Variants in CACNA1E observed in about 807,000 individuals in gnomAD.
The protein encoded by CACNA1E is calcium voltage-gated channel subunit alpha1 E.
In CACNA1E, 40 loss-of-function variants were observed where a neutral mutation model predicts 259.2. That is an observed-to-expected ratio of 0.15 (90% CI 0.12 to 0.20). CACNA1E has a LOEUF of 0.20. Among genes scored for constraint, CACNA1E ranks in the 10% least tolerant of loss-of-function variants. CACNA1E has a pLI of 1.00. For synonymous variants in CACNA1E, 1,104 were observed against 1,138.5 expected (o/e 0.97, Z 0.61); for missense variants, 1,874 against 3,040.1 (o/e 0.62, Z 9.02).
At chr1:181,524,554 C>A (rs1297158840) in intron 3 of CACNA1E, among the ~76,000 whole-genome samples, 1 of 152,206 alleles carries the variant, frequency 6.6e-6, no homozygotes, top group African/African-American at 2.4e-5. Context: ...CTTGAACAGG[C>A]CAGTGTGTCC....
At chr1:181,760,634 G>T (rs1410389003) in intron 32 of CACNA1E, among the ~76,000 whole-genome samples, 3 of 152,206 alleles carry the variant, frequency 2.0e-5, no homozygotes, top group African/African-American at 7.2e-5. Flanking sequence ...TTTACATATT[G>T]CTTTTCTCTC....
intron 2 of CACNA1E, among the ~76,000 whole-genome samples, chr1:181,426,911 A>G (rs1230139215): frequency 1.5e-5 from 2 of 133,672 alleles, no homozygotes; most frequent in African/African-American, 5.8e-5. Flanking sequence ...ACCCCTTCCC[A>G]TCTCAACCCT....
chr1:181,781,082 C>T (rs190698208), intron 38 of CACNA1E, among the ~76,000 whole-genome samples: 1 of 152,028 alleles, frequency 6.6e-6, no homozygotes, highest in Non-Finnish European at 1.5e-5. Context: ...GAATGCTAAT[C>T]GAGGAGAAAA....
intron 3 of CACNA1E, among the ~76,000 whole-genome samples, chr1:181,566,945 A>G (rs1330089956): frequency 6.6e-6 from 1 of 152,026 alleles, no homozygotes; most frequent in African/African-American, 2.4e-5. Context: ...TGCCACAGGT[A>G]TCTAGTGGTT....
At chr1:181,796,619 G>T in intron 46 of CACNA1E, 49 bp from the exon 47 acceptor site, 1 of 1,366,110 alleles carries the variant, frequency 7.3e-7, no homozygotes, top group Non-Finnish European at 1.0e-6. Context: ...CATCATCATT[G>T]GTCAGAGTGG....
At chr1:181,471,388 T>C (rs1213168165) in intron 2 of CACNA1E, among the ~76,000 whole-genome samples, 1 of 152,248 alleles carries the variant, frequency 6.6e-6, no homozygotes, top group African/African-American at 2.4e-5. Context: ...GTTTCTCTGA[T>C]CTTTATTCGC....
At chr1:181,468,134 C>T (rs1322098082) in intron 2 of CACNA1E, among the ~76,000 whole-genome samples, 1 of 152,160 alleles carries the variant, frequency 6.6e-6, no homozygotes, top group Non-Finnish European at 1.5e-5. Flanking sequence ...GCACTTCAAC[C>T]CACATCACAT....
chr1:181,450,202 G>A (rs757174151), intron 2 of CACNA1E, among the ~76,000 whole-genome samples: 1 of 152,132 alleles, frequency 6.6e-6, no homozygotes, highest in Non-Finnish European at 1.5e-5. Context: ...ATAGCAAGGG[G>A]GAAGTCTGCC....
intron 30 of CACNA1E, 30 bp from the exon 31 acceptor site, chr1:181,757,917 T>C: frequency 2.5e-6 from 4 of 1,611,086 alleles, no homozygotes; most frequent in Non-Finnish European, 3.4e-6. Context: ...GGGATTTGAA[T>C]TTGTGCTAAT....
In CACNA1E at chr1:181,721,905, C is replaced by T; in HGVS notation, c.2074+30C>T. 2.9e-6 allele frequency: 4 copies of T among 1,373,190 alleles called. No homozygotes were observed. In the East Asian group the frequency reaches 9.1e-5, roughly 31 times the overall value. 85.1% of individuals were successfully genotyped at this position (1,373,190 alleles called of 1,614,324 possible). ...CCTTTTTAAGATGCACCTCCTCAAG[C>T]TGCCTGCCTTCCTGGACCAGCATTT... On this transcript the variant is annotated intron_variant, in intron 16 of 47. Coordinates refer to ENST00000367573, the MANE Select transcript of CACNA1E (RefSeq NM_001205293.3).
chr1:181,563,793 C>T (rs753690286), intron 3 of CACNA1E, among the ~76,000 whole-genome samples: 7 of 152,256 alleles, frequency 4.6e-5, no homozygotes, highest in Non-Finnish European at 1.0e-4. Context: ...ACAAGGATAC[C>T]TCAGAGAATG....
chr1:181,707,819 A>G (rs1187668058), intron 7 of CACNA1E, among the ~76,000 whole-genome samples: 1 of 152,232 alleles, frequency 6.6e-6, no homozygotes, highest in African/African-American at 2.4e-5. Context: ...ACTATGTGGT[A>G]GGCCTATTCT....
At chr1:181,741,794 C>A (rs1656600348) in intron 25 of CACNA1E, among the ~76,000 whole-genome samples, 2 of 152,174 alleles carry the variant, frequency 1.3e-5, no homozygotes, top group African/African-American at 2.4e-5. Flanking sequence ...GCAGGGGAAG[C>A]CTTAACGGCC....
At chr1:181,341,119 C>T (rs1005159706) in intron 1 of CACNA1E, among the ~76,000 whole-genome samples, 2 of 152,122 alleles carry the variant, frequency 1.3e-5, no homozygotes, top group Admixed American at 1.3e-4. Flanking sequence ...GGTGGTCCTG[C>T]CCTCCTAGTC....
At chr1:181,781,666 G>A in intron 39 of CACNA1E, 143 bp downstream of exon 39, 1 of 647,890 alleles carries the variant, frequency 1.5e-6, no homozygotes, top group South Asian at 1.8e-5. Flanking sequence ...AGACTGAAGA[G>A]TCAGGAAGGT....
rs1305669747 is a variant in CACNA1E, at chr1:181,756,032, G to A, written c.4066G>A (p.Asp1356Asn). 1.9e-6 allele frequency: 3 copies of A among 1,613,886 alleles called. No individual in the cohort carries two copies. Among genetic ancestry groups the A allele is most frequent in the Admixed American group, 3.3e-5 (2 of 60,018 alleles). ...REWKRHEFHYDNIIWALLTLF... is the reference protein window; with the variant it reads ...REWKRHEFHYNNIIWALLTLF... ...ATGGAAGCGCCATGAATTCCACTACGACAACATTATCTGGGCCCTGCTGAC... is the reference window on the plus strand; with the variant it reads ...ATGGAAGCGCCATGAATTCCACTACAACAACATTATCTGGGCCCTGCTGAC... Residue 1356 changes from aspartate (D) to asparagine (N), a missense_variant, in exon 29 of 48, where the codon GAC becomes AAC. By Grantham distance (23) the Asp-to-Asn change is conservative. Coordinates refer to ENST00000367573, the MANE Select transcript of CACNA1E (RefSeq NM_001205293.3).
rs905757691 is a variant in CACNA1E, at chr1:181,787,987, T to C, written c.5786+2168T>C. Reference sequence around the variant, plus strand: ...GATAATGGGGTTTTATGCATCAGAATCATGTGATCAGATGTGTGCTTTCTT... The same window carrying C: ...GATAATGGGGTTTTATGCATCAGAACCATGTGATCAGATGTGTGCTTTCTT... On this transcript the variant is annotated intron_variant, in intron 43 of 47. Coordinates refer to ENST00000367573, the MANE Select transcript of CACNA1E (RefSeq NM_001205293.3). 5.3e-5 allele frequency among the ~76,000 whole-genome samples: 8 copies of C among 152,198 alleles called. 1 individual carries two copies. The highest frequency in any genetic ancestry group is 4.6e-4 in the Admixed American group (7 of 15,276).
chr1:181,504,366 G>A (rs1000078010), intron 1 of CACNA1E, among the ~76,000 whole-genome samples: 1 of 152,190 alleles, frequency 6.6e-6, no homozygotes, highest in African/African-American at 2.4e-5. Flanking sequence ...AGTTGGGAGA[G>A]TGCACAGCAT....
chr1:181,633,080 G>T (rs919776377), intron 6 of CACNA1E, among the ~76,000 whole-genome samples: 1 of 152,076 alleles, frequency 6.6e-6, no homozygotes, highest in Non-Finnish European at 1.5e-5. Flanking sequence ...CTTTCGAAGT[G>T]TGCTTTGGGA....
Sources: gnomAD v4.1 joint callset for allele counts (sites outside exome capture counted in the v4.1 genomes callset) on GRCh38, gnomAD v4.1.1 for gene constraint, MANE v1.5 for transcripts, NCBI Gene and HGNC (gene_info 2026-07-23, HGNC 2026-07-21) for gene names.